The following LRRTM3 variants were observed in gnomAD, a reference collection of about 807,000 sequenced individuals.
The protein encoded by LRRTM3 is leucine rich repeat transmembrane neuronal 3, also known as leucine-rich repeat transmembrane neuronal protein 3.
In LRRTM3, 24 loss-of-function variants were observed where a neutral mutation model predicts 44.7. That is an observed-to-expected ratio of 0.54 (90% CI 0.39 to 0.76). The LOEUF (loss-of-function observed/expected upper bound fraction) is 0.76, where lower values mean the gene tolerates loss of function less well. LRRTM3 is among the 30% of genes least tolerant of loss of function. LRRTM3 has a pLI of 0.00. For missense variants in LRRTM3, 587 were observed against 702.2 expected (o/e 0.84, Z 1.85); for synonymous variants, 277 against 278.7 (o/e 0.99, Z 0.06).
At chr10:67,056,209 A>G (rs756479162) in intron 2 of LRRTM3, among the ~76,000 whole-genome samples, 8 of 152,176 alleles carry the variant, frequency 5.3e-5, no homozygotes, top group Non-Finnish European at 1.2e-4. Flanking sequence ...TTAATAAAAT[A>G]TGGTTGGTAT....
chr10:66,963,219 C>T (rs868579658), intron 2 of LRRTM3, among the ~76,000 whole-genome samples: 1 of 152,158 alleles, frequency 6.6e-6, no homozygotes, highest in African/African-American at 2.4e-5. Context: ...AGTGCATCCA[C>T]AAGGAGATGC....
chr10:66,929,941 T>G (rs902993348), intron 2 of LRRTM3, among the ~76,000 whole-genome samples: 5 of 152,190 alleles, frequency 3.3e-5, no homozygotes, highest in African/African-American at 1.2e-4. Flanking sequence ...ACTGCAACAT[T>G]GAGGCTGTTT....
intron 2 of LRRTM3, among the ~76,000 whole-genome samples, chr10:66,942,661 ACT>A (rs907050898): frequency 1.4e-5 from 2 of 141,538 alleles, no homozygotes; most frequent in African/African-American, 2.6e-5. Context: ...TCACTTTCTC[ACT>A]CTCTCTTTCC....
At chr10:67,041,545 G>A (rs1191743345) in intron 2 of LRRTM3, among the ~76,000 whole-genome samples, 1 of 152,124 alleles carries the variant, frequency 6.6e-6, no homozygotes, top group East Asian at 1.9e-4. Flanking sequence ...GACGCAGTTT[G>A]GAAAACAAGT....
intron 2 of LRRTM3, among the ~76,000 whole-genome samples, chr10:67,076,510 G>A (rs1856759950): frequency 6.6e-6 from 1 of 152,156 alleles, no homozygotes; most frequent in Non-Finnish European, 1.5e-5. Context: ...AGAATGCCAA[G>A]CCCTTCTTCT....
At chr10:67,076,135 C>T (rs1308036720) in intron 2 of LRRTM3, among the ~76,000 whole-genome samples, 3 of 152,168 alleles carry the variant, frequency 2.0e-5, no homozygotes, top group South Asian at 2.1e-4. Context: ...TTTTAAGCTC[C>T]CCTGTATTAC....
chr10:66,965,638 C>T (rs566180660), intron 2 of LRRTM3, among the ~76,000 whole-genome samples: 13 of 149,314 alleles, frequency 8.7e-5, no homozygotes, highest in African/African-American at 2.0e-4. Context: ...AAATGTCTAA[C>T]GAACTTCCAC....
intron 2 of LRRTM3, among the ~76,000 whole-genome samples, chr10:66,957,393 CATATATATAT>C (rs10532386): frequency 3.6e-5 from 3 of 83,156 alleles, no homozygotes; most frequent in African/African-American, 7.3e-5. Context: ...TATATATATA[CATATATATAT>C]ATATATATAT....
At chr10:66,978,544 A>AATAAAAATAAAAAAAAT (rs1554890302) in intron 2 of LRRTM3, among the ~76,000 whole-genome samples, 1 of 75,574 alleles carries the variant, frequency 1.3e-5, no homozygotes, top group Admixed American at 1.4e-4. Context: ...AAAAAAAAAA[A>AATAAAAATAAAAAAAAT]AAAAAAAAAT....
At chr10:66,982,973 G>A (rs1042360330) in intron 2 of LRRTM3, among the ~76,000 whole-genome samples, 9 of 152,100 alleles carry the variant, frequency 5.9e-5, no homozygotes, top group South Asian at 2.1e-4. Context: ...CTCTGAAGGC[G>A]CCCTCGGCTC....
chr10:66,952,521 T>C (rs909612266), intron 2 of LRRTM3, among the ~76,000 whole-genome samples: 38 of 151,944 alleles, frequency 2.5e-4, no homozygotes, highest in African/African-American at 9.0e-4. Context: ...AATGGAAAAA[T>C]TAATTGTGTG....
intron 2 of LRRTM3, among the ~76,000 whole-genome samples, chr10:67,037,217 A>T (rs1854114379): frequency 6.6e-6 from 1 of 152,180 alleles, no homozygotes; most frequent in African/African-American, 2.4e-5. Flanking sequence ...TTTACTTGTA[A>T]GTAATGTGTC....
At chr10:66,958,980 A>G (rs150230931) in intron 2 of LRRTM3, among the ~76,000 whole-genome samples, 204 of 152,242 alleles carry the variant, frequency 1.3e-3, no homozygotes, top group African/African-American at 4.5e-3. Flanking sequence ...GAGAGTGTAA[A>G]TGAATTATCT....
rs1858212643 is a variant in LRRTM3 at position 67,099,547 on chromosome 10, A to C, written c.*1751A>C. 6.6e-6 allele frequency: 1 copy of C among 152,244 alleles called. No homozygotes were observed. Among genetic ancestry groups the C allele is most frequent in the Non-Finnish European group, 1.5e-5 (1 of 67,816 alleles). The allele number at this position is 152,244 out of a possible 1,614,324, so 9.4% of individuals were successfully genotyped here. Reference sequence around the variant, plus strand: ...ATATCTATAAAATCTAGTTTTATGCAGGTTTGTCACAGCAAATGTAAAAGC... The same window carrying C: ...ATATCTATAAAATCTAGTTTTATGCCGGTTTGTCACAGCAAATGTAAAAGC... On this transcript the variant is annotated 3_prime_UTR_variant, in exon 3 of 3. Coordinates refer to ENST00000361320, the MANE Select transcript of LRRTM3 (RefSeq NM_178011.5).
chr10:67,045,933 G>A (rs920191503), intron 2 of LRRTM3, among the ~76,000 whole-genome samples: 8 of 152,162 alleles, frequency 5.3e-5, no homozygotes, highest in South Asian at 2.1e-4. Context: ...AGAACTTCTC[G>A]AGTAGGTCAG....
chr10:66,976,921 T>G (rs1397549256), intron 2 of LRRTM3, among the ~76,000 whole-genome samples: 2 of 152,190 alleles, frequency 1.3e-5, no homozygotes, highest in Non-Finnish European at 2.9e-5. Flanking sequence ...TGCTTATCAT[T>G]TGGTTACTGA....
chr10:66,951,326 G>A (rs1164977751), intron 2 of LRRTM3, among the ~76,000 whole-genome samples: 1 of 152,042 alleles, frequency 6.6e-6, no homozygotes, highest in Non-Finnish European at 1.5e-5. Flanking sequence ...ATGTTGGCCA[G>A]GCTGGTCTCA....
intron 2 of LRRTM3, among the ~76,000 whole-genome samples, chr10:66,952,948 A>C (rs889950297): frequency 6.6e-6 from 1 of 152,094 alleles, no homozygotes; most frequent in Non-Finnish European, 1.5e-5. Flanking sequence ...GTATCCTTTG[A>C]AATACTTCCA....
Position 66,927,181 on chromosome 10 carries a change from T to C in LRRTM3, c.265T>C (p.Trp89Arg). Residue 89 changes from tryptophan to arginine, a missense_variant, in exon 2 of 3, where the codon TGG (tryptophan) becomes CGG (arginine). Around this residue, in one of 3 missense-constraint regions of LRRTM3, gnomAD observed 222 missense variants for 323.3 expected, o/e 0.69. Coordinates refer to ENST00000361320, the MANE Select transcript of LRRTM3 (RefSeq NM_178011.5). This position sits in a 1 kb window ranked among gnomAD's most constrained non-coding sequence, Gnocchi z 4.7. ...ATTTAAAGGGCTCAACCAGCTCACCTGGCTATACCTTGACCATAACCATAT... is the reference window on the plus strand; with the variant it reads ...ATTTAAAGGGCTCAACCAGCTCACCCGGCTATACCTTGACCATAACCATAT... Reference protein sequence around the residue: ...NQFKGLNQLTWLYLDHNHISN... With the variant: ...NQFKGLNQLTRLYLDHNHISN... The C allele has an allele frequency of 6.2e-7, 1 of 1,614,234 alleles. No individual in the cohort carries two copies. The highest frequency in any genetic ancestry group is 8.5e-7 in the Non-Finnish European group (1 of 1,180,046).
Sources: allele counts gnomAD v4.1 joint callset (sites outside exome capture counted in the v4.1 genomes callset), GRCh38; gene constraint gnomAD v4.1.1; regional missense constraint gnomAD v4.1.1; non-coding constraint Gnocchi (gnomAD v3.1); transcripts MANE v1.5; gene names NCBI Gene and HGNC (gene_info 2026-07-23, HGNC 2026-07-21).